RPRD2: variants seen among roughly 807,000 people sequenced by gnomAD.
The protein encoded by RPRD2 is regulation of nuclear pre-mRNA domain containing 2, also known as regulation of nuclear pre-mRNA domain-containing protein 2.
RPRD2 carries 12 observed loss-of-function variants against 104.4 expected under a neutral mutation model. The ratio of observed to expected loss-of-function variants is 0.11; its 90% CI spans 0.07 to 0.19. The LOEUF is 0.19. Ranked by LOEUF, RPRD2 falls within the 10% of genes least tolerant of loss-of-function variation. RPRD2 has a pLI of 1.00. For synonymous variants in RPRD2, 714 were observed against 684.9 expected (o/e 1.04, Z -0.66); for missense variants, 1,543 against 1,790.1 (o/e 0.86, Z 2.49).
At position 150,470,874 on chromosome 1, in the gene RPRD2, A is replaced by C. The variant is rs1570805800; in HGVS notation, c.1926A>C (p.Pro642=). 1 of 1,613,928 alleles carries C rather than the reference A, an allele frequency of 6.2e-7. No homozygotes were observed. Among genetic ancestry groups the C allele is most frequent in the Non-Finnish European group, 8.5e-7 (1 of 1,179,902 alleles). The change falls in exon 11 of 11, where the codon CCA becomes CCC. Residue 642 remains proline (P), a synonymous_variant. Coordinates refer to ENST00000369068, the MANE Select transcript of RPRD2 (RefSeq NM_015203.5). The stretch of plus-strand genomic sequence containing the variant: ...CCCACAATACTAGCCCTGCTGCCCC[A>C]CCTACTGAAGTTACCATCTGCCAAT... ...TATHNTSPAA[P]PTEVTICQSS...
chr1:150,434,587 G>T (rs964375893), intron 2 of RPRD2, among the ~76,000 whole-genome samples: 1 of 151,992 alleles, frequency 6.6e-6, no homozygotes, highest in Admixed American at 6.6e-5. Flanking sequence ...AGGCCGAGGC[G>T]GGTGGATCAT....
In RPRD2 at chr1:150,471,430, C is replaced by A. The variant is rs1396321871; in HGVS notation, c.2482C>A (p.Gln828Lys). 18 of 1,613,772 alleles carry A rather than the reference C, an allele frequency of 1.1e-5. No homozygotes were observed. The highest frequency in any genetic ancestry group is 3.3e-5 in the Admixed American group (2 of 59,990). The change falls in exon 11 of 11, where the codon CAA becomes AAA. Residue 828 changes from glutamine (Q) to lysine (K), a missense_variant. Gln to Lys is a moderately conservative substitution (Grantham distance 53, BLOSUM62 1). This residue lies in a region of RPRD2 where 880 missense variants were observed against 885.6 expected (regional missense o/e 0.99). Transcript: ENST00000369068. This position sits in a 1 kb window ranked among gnomAD's most constrained non-coding sequence, Gnocchi z 5.3. ...AAAGTTCTACCCAGATACTTCTTTCCAAGAAGATGAGGATTACCGAGATTT... is the reference window on the plus strand; with the variant it reads ...AAAGTTCTACCCAGATACTTCTTTCAAAGAAGATGAGGATTACCGAGATTT... Reference protein sequence around the residue: ...QEKFYPDTSFQEDEDYRDFEY... With the variant: ...QEKFYPDTSFKEDEDYRDFEY...
Position 150,387,566 on chromosome 1 carries a change from C to CTTTTTTTTTT in RPRD2, c.205+22647_205+22648insTTTTTTTTTT, listed in dbSNP as rs1661661325. ...TAAATCTTACAGAAGTTGCAACAGA[C>CTTTTTTTTTT]CTTTTTTTTTTTTTTTTTTTTTTTT... On this transcript the variant is annotated intron_variant, in intron 1 of 10. Transcript: ENST00000369068. Among the ~76,000 whole-genome samples the CTTTTTTTTTT allele has an allele frequency of 1.6e-4, 11 of 70,130 alleles. 1 individual carries two copies. The highest frequency in any genetic ancestry group is 5.7e-4 in the East Asian group (1 of 1,760). 46.0% of individuals were successfully genotyped at this position (70,130 alleles called of 152,430 possible).
rs371949155 is a variant in RPRD2 at position 150,443,299 on chromosome 1, T to C, written c.567+16T>C. Reference sequence around the variant, plus strand: ...TGAATTTCGAGTAAGTTACAGAATTTGTTTAATATAGCAAAGTATTATTCA... The same window carrying C: ...TGAATTTCGAGTAAGTTACAGAATTCGTTTAATATAGCAAAGTATTATTCA... On this transcript the variant is annotated intron_variant, in intron 5 of 10. Coordinates refer to ENST00000369068, the MANE Select transcript of RPRD2 (RefSeq NM_015203.5). 3.0e-5 allele frequency: 46 copies of C among 1,541,602 alleles called. No homozygotes were observed. In the African/African-American group the frequency reaches 4.9e-4, roughly 16 times the overall value.
intron 1 of RPRD2, among the ~76,000 whole-genome samples, chr1:150,394,216 A>G (rs1662313906): frequency 6.6e-6 from 1 of 151,830 alleles, no homozygotes; most frequent in Admixed American, 6.6e-5. Flanking sequence ...ACGCCTGGCT[A>G]ATTTTGTATT....
At chr1:150,450,373 G>A (rs1316596666) in intron 7 of RPRD2, among the ~76,000 whole-genome samples, 1 of 151,776 alleles carries the variant, frequency 6.6e-6, no homozygotes, top group Non-Finnish European at 1.5e-5. Context: ...TTAGGAGGCC[G>A]AGGTGGGTGG....
intron 1 of RPRD2, among the ~76,000 whole-genome samples, chr1:150,411,015 C>G (rs1334701761): frequency 6.6e-6 from 1 of 152,160 alleles, no homozygotes; most frequent in Non-Finnish European, 1.5e-5. Flanking sequence ...TATGCAATTA[C>G]GCCTGGCTAA....
intron 1 of RPRD2, among the ~76,000 whole-genome samples, chr1:150,365,342 G>A (rs587708499): frequency 6.6e-6 from 1 of 152,324 alleles, no homozygotes; most frequent in African/African-American, 2.4e-5. Context: ...AGTAAATCCA[G>A]TGATGTTTAA....
intron 10 of RPRD2, among the ~76,000 whole-genome samples, chr1:150,469,900 G>A (rs911219159): frequency 1.2e-4 from 18 of 152,120 alleles, no homozygotes; most frequent in African/African-American, 3.1e-4. Flanking sequence ...GTAAGTCTTT[G>A]TGGTGTATGT....
intron 10 of RPRD2, among the ~76,000 whole-genome samples, chr1:150,467,196 T>A (rs587595604): frequency 2.0e-5 from 3 of 152,308 alleles, no homozygotes; most frequent in African/African-American, 7.2e-5. Context: ...GAACTTTGTC[T>A]GGAGGTGCAG....
intron 1 of RPRD2, among the ~76,000 whole-genome samples, chr1:150,376,317 C>CAG (rs1223121039): frequency 1.3e-5 from 2 of 151,898 alleles, no homozygotes; most frequent in East Asian, 1.9e-4. Context: ...AATCCATTAG[C>CAG]AGAGAGAGAG....
chr1:150,408,114 A>G (rs1553886930), intron 1 of RPRD2, among the ~76,000 whole-genome samples: 1 of 151,374 alleles, frequency 6.6e-6, no homozygotes, highest in Non-Finnish European at 1.5e-5. Flanking sequence ...TAATTGTAAC[A>G]TAGAAAGTTT....
rs889815844 is a variant in RPRD2, at chr1:150,474,718, C to A, written c.*1384C>A. The A allele has an allele frequency of 6.6e-6, 1 of 152,014 alleles. No individual in the cohort carries two copies. The highest frequency in any genetic ancestry group is 2.4e-5 in the African/African-American group (1 of 41,368). 9.4% of individuals were successfully genotyped at this position (152,014 alleles called of 1,614,324 possible). The stretch of plus-strand genomic sequence containing the variant: ...AATTTTTTTTTAATTTAGTGTCTTA[C>A]CCCAAGGCATACTCAACTGATAATC... On this transcript the variant is annotated 3_prime_UTR_variant, in exon 11 of 11. Coordinates refer to ENST00000369068, the MANE Select transcript of RPRD2 (RefSeq NM_015203.5).
In RPRD2 at chr1:150,422,382, T is replaced by TA. The variant is rs1302679625; in HGVS notation, c.335+4664dup. ...ATAATAATAATAAATAAAATTAAAA[T>TA]AAAAAAATAAAACTCTTATTCACAA... On this transcript the variant is annotated intron_variant, in intron 2 of 10. Coordinates refer to ENST00000369068, the MANE Select transcript of RPRD2 (RefSeq NM_015203.5). Among the ~76,000 whole-genome samples, 652 of 79,178 alleles carry TA rather than the reference T, an allele frequency of 8.2e-3. 5 individuals are homozygous for TA. Among genetic ancestry groups the TA allele is most frequent in the African/African-American group, 0.035 (607 of 17,526 alleles). The allele number at this position is 79,178 out of a possible 152,430, so 51.9% of individuals were successfully genotyped here. A position where few individuals can be genotyped will look rare whatever the true frequency, so the allele number is the denominator to read the frequency against.
intron 1 of RPRD2, among the ~76,000 whole-genome samples, chr1:150,384,477 T>C (rs1661402623): frequency 6.7e-6 from 1 of 148,248 alleles, no homozygotes; most frequent in South Asian, 2.1e-4. Flanking sequence ...TTATTATTAT[T>C]ATTATTATTA....
chr1:150,444,005 G>A (rs587715926), intron 5 of RPRD2, among the ~76,000 whole-genome samples: 22 of 152,296 alleles, frequency 1.4e-4, no homozygotes, highest in Admixed American at 7.2e-4. Context: ...GCGACAGAGC[G>A]AGACTCCATT....
At position 150,410,052 on chromosome 1, in the gene RPRD2, A is replaced by G. The variant is rs373372995; in HGVS notation, c.206-7544A>G. 1.1e-4 allele frequency among the ~76,000 whole-genome samples: 17 copies of G among 152,230 alleles called. No homozygotes were observed. The East Asian group carries it at 3.3e-3, about 29-fold the overall frequency. ...GAACGAGCCATGAGAAAAACGGGGG[A>G]AGAAAGTTCCAGAACAGTGAGCTTA... On this transcript the variant is annotated intron_variant, in intron 1 of 10. Transcript: ENST00000369068.
At chr1:150,395,809 G>A (rs1029327050) in intron 1 of RPRD2, among the ~76,000 whole-genome samples, 6 of 152,072 alleles carry the variant, frequency 3.9e-5, no homozygotes, top group African/African-American at 7.2e-5. Flanking sequence ...GCGTCCGGCC[G>A]CAAGTATCTT....
chr1:150,433,556 T>G (rs1394083963), intron 2 of RPRD2, among the ~76,000 whole-genome samples: 1 of 145,730 alleles, frequency 6.9e-6, no homozygotes. Flanking sequence ...GCCATTCTCC[T>G]GCCTCAGCCT....
Sources: gnomAD v4.1 joint callset for allele counts (sites outside exome capture counted in the v4.1 genomes callset) on GRCh38, gnomAD v4.1.1 for gene constraint, gnomAD v4.1.1 regional missense constraint, Gnocchi (gnomAD v3.1) non-coding constraint, MANE v1.5 for transcripts, NCBI Gene and HGNC (gene_info 2026-07-23, HGNC 2026-07-21) for gene names.